Variants in NINJ2 observed in about 807,000 individuals in gnomAD.
NINJ2 encodes the protein ninjurin 2.
A neutral mutation model predicts 11.7 loss-of-function variants in NINJ2; 12 were observed. The ratio of observed to expected loss-of-function variants is 1.02; its 90% CI spans 0.66 to 1.66. NINJ2 has a LOEUF of 1.66. NINJ2 is among the 40% of genes most tolerant of loss of function. The probability of loss-of-function intolerance (pLI) is 0.00; values close to 1 mark genes in which losing one functional copy is unlikely to be tolerated. For synonymous variants in NINJ2, 93 were observed against 76.8 expected (o/e 1.21, Z -1.10); for missense variants, 187 against 181.8 (o/e 1.03, Z -0.16).
intron 1 of NINJ2, among the ~76,000 whole-genome samples, chr12:573,693 TACTA>T (rs1450832692): frequency 6.6e-6 from 1 of 152,212 alleles, no homozygotes; most frequent in African/African-American, 2.4e-5. Flanking sequence ...CATGCACACT[TACTA>T]AGAGGAGGCA....
chr12:641,778 G>A (rs1348435272), intron 1 of NINJ2, among the ~76,000 whole-genome samples: 3 of 142,254 alleles, frequency 2.1e-5, no homozygotes, highest in Non-Finnish European at 4.8e-5. Flanking sequence ...CCGGGAGGTG[G>A]AGGTTGCAGT....
intron 1 of NINJ2, among the ~76,000 whole-genome samples, chr12:595,625 T>C (rs112649247): frequency 2.0e-5 from 3 of 152,262 alleles, no homozygotes; most frequent in African/African-American, 2.4e-5. Context: ...TGTTGGTGCA[T>C]GCCTGTAATC....
At chr12:604,361 GGT>G (rs1339424611) in intron 1 of NINJ2, among the ~76,000 whole-genome samples, 6,803 of 152,226 alleles carry the variant, frequency 0.045, 473 homozygotes, top group African/African-American at 0.15. Context: ...AGCCTGGCCG[GGT>G]GCGGTGGCTC....
chr12:605,403 G>T lies in NINJ2; in HGVS notation c.34-39225C>A, dbSNP rs749415911. On this transcript the variant is annotated intron_variant, in intron 1 of 3. Transcript: ENST00000305108. ...AGTCCAGATGATTCCTATCGGAAAA[G>T]ACTACCTTGGGGCTGGGAATAGCGC... 3.6e-4 allele frequency among the ~76,000 whole-genome samples: 55 copies of T among 152,184 alleles called. 1 individual carries two copies. The highest frequency in any genetic ancestry group is 4.4e-5 in the Non-Finnish European group (3 of 68,038).
chr12:598,137 G>A (rs1335098221), intron 1 of NINJ2, among the ~76,000 whole-genome samples: 2 of 152,182 alleles, frequency 1.3e-5, no homozygotes, highest in African/African-American at 2.4e-5. Context: ...TCACACAATC[G>A]TGTATAATGT....
intron 1 of NINJ2, among the ~76,000 whole-genome samples, chr12:609,770 CAAAAA>C (rs1185755822): frequency 5.6e-5 from 5 of 88,814 alleles, no homozygotes; most frequent in Admixed American, 2.7e-4. Context: ...GACTCTGCCT[CAAAAA>C]AAAAAAAAAA....
chr12:643,345 G>A, intron 1 of NINJ2: 1 of 742,796 alleles, frequency 1.3e-6, no homozygotes. Flanking sequence ...GCCGGGTGGG[G>A]AGGGGAGGGT....
At chr12:623,045 G>T (rs1948172177) in intron 1 of NINJ2, among the ~76,000 whole-genome samples, 1 of 152,156 alleles carries the variant, frequency 6.6e-6, no homozygotes, top group Admixed American at 6.5e-5. Flanking sequence ...TGCTGTTGTA[G>T]GCTTCTTAGA....
rs1410432569 is a variant in NINJ2 at position 581,949 on chromosome 12, G to A, written c.34-15771C>T. ...CACACAAAAAGCCCAGCCCTGGAGG[G>A]ATTCCAATCCACAGCCTCTCCCTGG... On this transcript the variant is annotated intron_variant, in intron 1 of 3. Transcript: ENST00000305108. This position sits in a 1 kb window ranked among gnomAD's most constrained non-coding sequence, Gnocchi z 4.9. Among the ~76,000 whole-genome samples the A allele has an allele frequency of 6.6e-6, 1 of 152,194 alleles. No individual in the cohort carries two copies. Among genetic ancestry groups the A allele is most frequent in the Non-Finnish European group, 1.5e-5 (1 of 68,034 alleles).
chr12:575,181 G>C (rs573028995), intron 1 of NINJ2, among the ~76,000 whole-genome samples: 1 of 152,134 alleles, frequency 6.6e-6, no homozygotes, highest in Non-Finnish European at 1.5e-5. Flanking sequence ...TCTCGCCTTC[G>C]AGCCGCCTGC....
chr12:567,413 G>A (rs1191558512), intron 1 of NINJ2, among the ~76,000 whole-genome samples: 2 of 152,160 alleles, frequency 1.3e-5, no homozygotes, highest in African/African-American at 4.8e-5. Flanking sequence ...AATTTTTTTG[G>A]CTAGGATTTA....
At chr12:647,359 C>T (rs1937702192) in intron 1 of NINJ2, among the ~76,000 whole-genome samples, 1 of 152,184 alleles carries the variant, frequency 6.6e-6, no homozygotes, top group Admixed American at 6.5e-5. Context: ...TCCCAAAGCA[C>T]CTCTCATCAT....
intron 1 of NINJ2, among the ~76,000 whole-genome samples, chr12:616,208 T>TTGGA: frequency 6.6e-6 from 1 of 152,152 alleles, no homozygotes; most frequent in East Asian, 1.9e-4. Context: ...AGGAGCTGAC[T>TTGGA]TGGACTTCTC....
At chr12:571,618 T>G (rs899285134) in intron 1 of NINJ2, among the ~76,000 whole-genome samples, 1 of 152,276 alleles carries the variant, frequency 6.6e-6, no homozygotes, top group African/African-American at 2.4e-5. Context: ...TTCCATCCCT[T>G]GAAGTCAAGG....
chr12:572,094 C>T (rs1947385661), intron 1 of NINJ2, among the ~76,000 whole-genome samples: 1 of 152,244 alleles, frequency 6.6e-6, no homozygotes, highest in Admixed American at 6.5e-5. Flanking sequence ...CACTGGACGC[C>T]TTTTCTTATC....
chr12:584,797 C>T (rs902968227), intron 1 of NINJ2, among the ~76,000 whole-genome samples: 2 of 151,014 alleles, frequency 1.3e-5, no homozygotes, highest in Non-Finnish European at 2.9e-5. Flanking sequence ...TGGAGTGAGA[C>T]GTCTCTCAAA....
chr12:626,230 T>A (rs188250773), intron 1 of NINJ2, among the ~76,000 whole-genome samples: 1 of 152,234 alleles, frequency 6.6e-6, no homozygotes, highest in African/African-American at 2.4e-5. Flanking sequence ...CTGTTCCTAA[T>A]GGGCCTGTGT....
Position 634,265 on chromosome 12 carries a change from C to CTTTTTTTTTTTTTTT in NINJ2, c.33+29048_33+29062dup, listed in dbSNP as rs67797144. 2.7e-3 allele frequency among the ~76,000 whole-genome samples: 163 copies of CTTTTTTTTTTTTTTT among 59,528 alleles called. 28 individuals are homozygous for CTTTTTTTTTTTTTTT. Among genetic ancestry groups the CTTTTTTTTTTTTTTT allele is most frequent in the East Asian group, 0.011 (13 of 1,174 alleles). The allele number at this position is 59,528 out of a possible 152,430, so 39.1% of individuals were successfully genotyped here. ...AAATAAATGTTGATTAGTTGCAGTTCTTTTTTTTTTTTTTTTTTTTTTTTT... is the reference window on the plus strand; with the variant it reads ...AAATAAATGTTGATTAGTTGCAGTTCTTTTTTTTTTTTTTTTTTTTTTTTTTTTTTTTTTTTTTTT... On this transcript the variant is annotated intron_variant, in intron 1 of 3. Coordinates refer to ENST00000305108, the MANE Select transcript of NINJ2 (RefSeq NM_016533.6).
rs143802828 is a variant in NINJ2 at position 658,207 on chromosome 12, G to A, written c.33+5121C>T. ...AGAAGTGGGGTTTCACCATGTTAGCGATAGCCAGGCTGGTCTCGAACTCCT... is the reference window on the plus strand; with the variant it reads ...AGAAGTGGGGTTTCACCATGTTAGCAATAGCCAGGCTGGTCTCGAACTCCT... On this transcript the variant is annotated intron_variant, in intron 1 of 3. Coordinates refer to ENST00000305108, the MANE Select transcript of NINJ2 (RefSeq NM_016533.6). Among the ~76,000 whole-genome samples the A allele has an allele frequency of 1.8e-3, 276 of 151,890 alleles. 1 individual carries two copies. Among genetic ancestry groups the A allele is most frequent in the African/African-American group, 6.4e-3 (266 of 41,416 alleles).
Sources: allele counts gnomAD v4.1 joint callset (sites outside exome capture counted in the v4.1 genomes callset), GRCh38; gene constraint gnomAD v4.1.1; non-coding constraint Gnocchi (gnomAD v3.1); transcripts MANE v1.5; gene names NCBI Gene and HGNC (gene_info 2026-07-23, HGNC 2026-07-21).